TTLL11: variants seen among roughly 807,000 people sequenced by gnomAD.
TTLL11 encodes the protein tubulin tyrosine ligase like 11, also known as tubulin polyglutamylase TTLL11.
Under a neutral mutation model 51.7 loss-of-function variants are expected in TTLL11, and 42 were observed. The ratio of observed to expected loss-of-function variants is 0.81; its 90% CI spans 0.64 to 1.05. The LOEUF (loss-of-function observed/expected upper bound fraction) is 1.05. TTLL11 is among the 50% of genes least tolerant of loss of function. TTLL11 has a pLI of 0.00. For missense variants in TTLL11, 799 were observed against 940.4 expected (o/e 0.85, Z 1.97); for synonymous variants, 381 against 383.5 (o/e 0.99, Z 0.08).
chr9:121,988,647 C>T (rs530866628), intron 4 of TTLL11, among the ~76,000 whole-genome samples: 13 of 152,204 alleles, frequency 8.5e-5, no homozygotes, highest in Admixed American at 2.0e-4. Flanking sequence ...ACGCCACTCC[C>T]GCCCAGAGAA....
intron 3 of TTLL11, among the ~76,000 whole-genome samples, chr9:122,005,471 G>T (rs1157115338): frequency 6.6e-6 from 1 of 152,110 alleles, no homozygotes; most frequent in Non-Finnish European, 1.5e-5. Context: ...AAGAACAAGG[G>T]TTATGATAAG....
chr9:121,970,292 C>T (rs909083049), intron 6 of TTLL11, among the ~76,000 whole-genome samples: 2 of 152,154 alleles, frequency 1.3e-5, no homozygotes, highest in Admixed American at 6.6e-5. Context: ...AGGCCTGCAG[C>T]TCATATAGAT....
At chr9:122,048,942 C>T (rs1167476685) in intron 1 of TTLL11, among the ~76,000 whole-genome samples, 1 of 152,138 alleles carries the variant, frequency 6.6e-6, no homozygotes, top group East Asian at 1.9e-4. Flanking sequence ...AACACCAAGG[C>T]TTCAGCACCC....
In TTLL11 at chr9:122,042,174, C is replaced by T. The variant is rs116831343; in HGVS notation, c.463-2806G>A. ...GGATTACTGGCACATGCCAGCGCAC[C>T]CAGCTAATTCTTGTATTTTTAGTAG... On this transcript the variant is annotated intron_variant, in intron 1 of 8. Coordinates refer to ENST00000321582, the MANE Select transcript of TTLL11 (RefSeq NM_001139442.2). Among the ~76,000 whole-genome samples, 1,072 of 152,268 alleles carry T rather than the reference C, an allele frequency of 7.0e-3. 18 individuals carry two copies. The highest frequency in any genetic ancestry group is 0.024 in the African/African-American group (1,003 of 41,544).
At chr9:121,966,985 G>A (rs1842416437) in intron 6 of TTLL11, among the ~76,000 whole-genome samples, 1 of 152,118 alleles carries the variant, frequency 6.6e-6, no homozygotes, top group Admixed American at 6.5e-5. Flanking sequence ...CAGATTCCAT[G>A]GGCCTTTCTC....
chr9:121,990,542 T>C (rs1410357941), intron 3 of TTLL11, among the ~76,000 whole-genome samples: 1 of 152,172 alleles, frequency 6.6e-6, no homozygotes, highest in Non-Finnish European at 1.5e-5. Flanking sequence ...CCTTGGACCT[T>C]CCTCTATCCT....
At chr9:122,006,713 G>C (rs1293611546) in intron 3 of TTLL11, among the ~76,000 whole-genome samples, 1 of 151,846 alleles carries the variant, frequency 6.6e-6, no homozygotes, top group African/African-American at 2.4e-5. Flanking sequence ...GGCCACATGT[G>C]GTGGCTCACA....
chr9:121,908,890 T>C (rs1038463022), intron 6 of TTLL11, among the ~76,000 whole-genome samples: 1 of 152,210 alleles, frequency 6.6e-6, no homozygotes, highest in African/African-American at 2.4e-5. Flanking sequence ...CATCTGTAAA[T>C]ACCCTATCTC....
chr9:122,081,153 G>A (rs975103566), intron 1 of TTLL11, among the ~76,000 whole-genome samples: 9 of 152,208 alleles, frequency 5.9e-5, no homozygotes, highest in African/African-American at 2.2e-4. Flanking sequence ...GTCCTGCACT[G>A]AAGGACTTAT....
chr9:121,979,226 G>C (rs1842778266), intron 4 of TTLL11, among the ~76,000 whole-genome samples: 1 of 152,166 alleles, frequency 6.6e-6, no homozygotes, highest in Non-Finnish European at 1.5e-5. Context: ...GGGTACCTGA[G>C]ACCTGCCAAC....
chr9:121,971,590 C>T (rs1480700585), intron 6 of TTLL11, among the ~76,000 whole-genome samples: 16 of 140,822 alleles, frequency 1.1e-4, no homozygotes, highest in East Asian at 8.1e-4. Context: ...TCATTGAGAA[C>T]GGGCCAGGAT....
intron 1 of TTLL11, among the ~76,000 whole-genome samples, chr9:122,062,462 CTT>C (rs386416145): frequency 1.4e-4 from 11 of 77,674 alleles, no homozygotes; most frequent in African/African-American, 4.5e-4. Context: ...TTATATTATG[CTT>C]TTTTTTTTTT....
At chr9:121,896,726 G>T (rs1839539756) in intron 6 of TTLL11, among the ~76,000 whole-genome samples, 1 of 152,134 alleles carries the variant, frequency 6.6e-6, no homozygotes, top group South Asian at 2.1e-4. Flanking sequence ...TGAGGCGGGA[G>T]GAAGCACCTC....
At chr9:122,020,231 C>T (rs72767703) in intron 3 of TTLL11, among the ~76,000 whole-genome samples, 6,686 of 152,234 alleles carry the variant, frequency 0.044, 173 homozygotes, top group African/African-American at 0.073. Flanking sequence ...AGGTAGAATG[C>T]TCTTCTGTGG....
chr9:121,940,623 C>A (rs1207010113), intron 6 of TTLL11, among the ~76,000 whole-genome samples: 1 of 152,124 alleles, frequency 6.6e-6, no homozygotes, highest in Admixed American at 6.5e-5. Flanking sequence ...CAGGCATGAG[C>A]CACCATGCCC....
At chr9:121,864,224 G>T (rs928393019) in intron 7 of TTLL11, among the ~76,000 whole-genome samples, 1 of 152,224 alleles carries the variant, frequency 6.6e-6, no homozygotes, top group African/African-American at 2.4e-5. Flanking sequence ...GGACAGCAAT[G>T]AATTGCTGAA....
At position 121,936,647 on chromosome 9, in the gene TTLL11, G is replaced by C. The variant is rs921205166; in HGVS notation, c.1481+37362C>G. On this transcript the variant is annotated intron_variant, in intron 6 of 8. Transcript: ENST00000321582. Reference sequence around the variant, plus strand: ...ACTGGAAGGTCCTTTCCTTGCCAGAGCAGGCTCGTGCTAGAAACTTGGAAT... The same window carrying C: ...ACTGGAAGGTCCTTTCCTTGCCAGACCAGGCTCGTGCTAGAAACTTGGAAT... 1.7e-4 allele frequency among the ~76,000 whole-genome samples: 26 copies of C among 152,188 alleles called. 1 individual carries two copies. The highest frequency in any genetic ancestry group is 1.4e-3 in the Admixed American group (22 of 15,286).
At chr9:122,061,311 T>C (rs1054609001) in intron 1 of TTLL11, among the ~76,000 whole-genome samples, 3 of 152,230 alleles carry the variant, frequency 2.0e-5, no homozygotes, top group Non-Finnish European at 2.9e-5. Flanking sequence ...TGGTTAGGGC[T>C]TGGACATATC....
At chr9:121,936,260 TCTTTC>T (rs374847323) in intron 6 of TTLL11, among the ~76,000 whole-genome samples, 41 of 137,372 alleles carry the variant, frequency 3.0e-4, no homozygotes, top group African/African-American at 1.1e-3. Flanking sequence ...CTTCTTTCTT[TCTTTC>T]TTTTTTTTTT....
Sources: gnomAD v4.1 joint callset for allele counts (sites outside exome capture counted in the v4.1 genomes callset) on GRCh38, gnomAD v4.1.1 for gene constraint, MANE v1.5 for transcripts, NCBI Gene and HGNC (gene_info 2026-07-23, HGNC 2026-07-21) for gene names.